Variants in RORA observed in about 807,000 individuals in gnomAD.
RORA encodes the protein nuclear receptor ROR-alpha.
RORA carries 7 observed loss-of-function variants against 69.5 expected under a neutral mutation model. The observed-to-expected ratio is 0.10, with a 90% CI of 0.06 to 0.19. The LOEUF (loss-of-function observed/expected upper bound fraction) is 0.19. Among genes scored for constraint, RORA ranks in the 10% least tolerant of loss-of-function variants. The pLI, the probability that RORA is intolerant of heterozygous loss-of-function variation, is 1.00. For missense variants in RORA, 457 were observed against 663.0 expected (o/e 0.69, Z 3.41); for synonymous variants, 261 against 240.8 (o/e 1.08, Z -0.78).
chr15:60,567,397 T>C (rs1008031156), intron 2 of RORA, among the ~76,000 whole-genome samples: 17 of 148,052 alleles, frequency 1.1e-4, no homozygotes, highest in Middle Eastern at 3.5e-3. Context: ...TTATTATCAT[T>C]ATTATTATTA....
At chr15:61,216,025 A>G (rs190147784) in intron 1 of RORA, among the ~76,000 whole-genome samples, 3 of 152,354 alleles carry the variant, frequency 2.0e-5, no homozygotes, top group East Asian at 3.9e-4. Context: ...GTCATGCAGT[A>G]TATCAAAACT....
At chr15:60,926,086 G>C (rs1892208935) in intron 1 of RORA, among the ~76,000 whole-genome samples, 1 of 152,062 alleles carries the variant, frequency 6.6e-6, no homozygotes, top group African/African-American at 2.4e-5. Flanking sequence ...CTATATGAGG[G>C]GCCAGAAAAG....
chr15:60,689,509 T>G (rs1315154423), intron 1 of RORA, among the ~76,000 whole-genome samples: 2 of 152,172 alleles, frequency 1.3e-5, no homozygotes, highest in Non-Finnish European at 2.9e-5. Context: ...AAAAAGGTTG[T>G]AACGGGTTGA....
intron 1 of RORA, among the ~76,000 whole-genome samples, chr15:60,885,320 T>C (rs987013836): frequency 1.3e-5 from 2 of 152,012 alleles, no homozygotes; most frequent in Admixed American, 6.6e-5. Context: ...AAACATGGAG[T>C]GTGCAGTTGA....
intron 2 of RORA, among the ~76,000 whole-genome samples, chr15:60,654,330 A>G (rs2070189843): frequency 6.6e-6 from 1 of 152,198 alleles, no homozygotes; most frequent in Non-Finnish European, 1.5e-5. Flanking sequence ...GAATTTAACA[A>G]ACATTTTTCC....
intron 1 of RORA, among the ~76,000 whole-genome samples, chr15:60,925,955 C>T (rs1892205478): frequency 6.6e-6 from 1 of 152,140 alleles, no homozygotes; most frequent in Non-Finnish European, 1.5e-5. Flanking sequence ...CACATGGTGA[C>T]CAAAAATGCT....
chr15:60,714,505 C>T (rs2071193837), intron 1 of RORA, among the ~76,000 whole-genome samples: 1 of 151,312 alleles, frequency 6.6e-6, no homozygotes, highest in Admixed American at 6.6e-5. Flanking sequence ...GCTGGGATTA[C>T]AGGCACCTGC....
chr15:61,007,082 A>C (rs1894933123), intron 1 of RORA, among the ~76,000 whole-genome samples: 1 of 152,012 alleles, frequency 6.6e-6, no homozygotes, highest in South Asian at 2.1e-4. Flanking sequence ...GAAAGACATA[A>C]TTTTCACCTA....
At position 61,227,204 on chromosome 15, in the gene RORA, C is replaced by T. The variant is rs541517447; in HGVS notation, c.166+1849G>A. 5.6e-5 allele frequency among the ~76,000 whole-genome samples: 6 copies of T among 106,568 alleles called. No homozygotes were observed. In the South Asian group the frequency reaches 2.5e-3, roughly 44 times the overall value. The allele number at this position is 106,568 out of a possible 152,430, so 69.9% of individuals were successfully genotyped here. ...CAGCTTCCTAAATACTATGTCCCCC[C>T]CATTCCAAAAAAAAAAAAAAAGCCC... On this transcript the variant is annotated intron_variant, in intron 1 of 10. Coordinates refer to ENST00000335670, the MANE Select transcript of RORA (RefSeq NM_134261.3).
intron 2 of RORA, among the ~76,000 whole-genome samples, chr15:60,636,643 G>C (rs2069845534): frequency 6.6e-6 from 1 of 151,954 alleles, no homozygotes; most frequent in Non-Finnish European, 1.5e-5. Flanking sequence ...TTTTTAAAAG[G>C]TTCTAAAAAT....
At chr15:60,893,927 C>G (rs543332824) in intron 1 of RORA, among the ~76,000 whole-genome samples, 2 of 152,192 alleles carry the variant, frequency 1.3e-5, no homozygotes, top group Non-Finnish European at 2.9e-5. Context: ...GACCCAAACC[C>G]AGACCTCTCA....
intron 1 of RORA, among the ~76,000 whole-genome samples, chr15:60,802,052 C>G (rs1028563255): frequency 2.0e-5 from 3 of 152,118 alleles, no homozygotes; most frequent in African/African-American, 7.2e-5. Context: ...TGGTCTGGCA[C>G]CAGAGCCCAG....
chr15:60,615,806 C>T (rs1465245504), intron 2 of RORA, among the ~76,000 whole-genome samples: 1 of 152,202 alleles, frequency 6.6e-6, no homozygotes, highest in African/African-American at 2.4e-5. Flanking sequence ...ACTGACGAGG[C>T]CCTGCTGCCT....
chr15:60,867,943 A>C (rs1159815211), intron 1 of RORA, among the ~76,000 whole-genome samples: 1 of 152,298 alleles, frequency 6.6e-6, no homozygotes, highest in East Asian at 1.9e-4. Context: ...TGGTCATGAT[A>C]GTTTTCAATT....
rs190788447 is a variant in RORA at position 60,806,059 on chromosome 15, C to T, written c.167-127373G>A. 1.6e-3 allele frequency among the ~76,000 whole-genome samples: 238 copies of T among 152,288 alleles called. 2 individuals carry two copies. The highest frequency in any genetic ancestry group is 5.3e-3 in the African/African-American group (221 of 41,554). ...TAAAGCCTCCCTCTTGATTGCTTGG[C>T]CAATCTGACTGCATCCCTCATAAGC... is the stretch of plus-strand genomic sequence containing the variant. On this transcript the variant is annotated intron_variant, in intron 1 of 10. Coordinates refer to ENST00000335670, the MANE Select transcript of RORA (RefSeq NM_134261.3).
rs544335676 is a variant in RORA at position 60,645,692 on chromosome 15, T to C, written c.196+32965A>G. ...ATAGGCATCAGCCAAGGTGACCAAT[T>C]TCCTTACAGATCAATTAGAAGTCAT... is the stretch of plus-strand genomic sequence containing the variant. On this transcript the variant is annotated intron_variant, in intron 2 of 10. Transcript: ENST00000335670. Among the ~76,000 whole-genome samples, 16 of 152,262 alleles carry C rather than the reference T, an allele frequency of 1.1e-4. No homozygotes were observed. The South Asian group carries it at 3.1e-3, about 30-fold the overall frequency.
At position 60,502,216 on chromosome 15, in the gene RORA, G is replaced by C. The variant is rs187142103; in HGVS notation, c.1183+544C>G. Among the ~76,000 whole-genome samples the C allele has an allele frequency of 3.6e-3, 554 of 152,306 alleles. 6 individuals carry two copies. The highest frequency in any genetic ancestry group is 0.013 in the African/African-American group (536 of 41,564). On this transcript the variant is annotated intron_variant, in intron 8 of 10. Transcript: ENST00000335670. ...ACTGGTCTCAAACTCCTGACCTCAG[G>C]TGATCCGCCTGCCTTGGCCTCCCAA... is the stretch of plus-strand genomic sequence containing the variant.
intron 1 of RORA, among the ~76,000 whole-genome samples, chr15:61,174,228 T>G (rs189380272): frequency 1.5e-3 from 229 of 152,322 alleles, no homozygotes; most frequent in African/African-American, 5.1e-3. Context: ...CTCTGCTGGC[T>G]TCTGTTAGAA....
At chr15:60,772,325 C>A (rs959960237) in intron 1 of RORA, among the ~76,000 whole-genome samples, 9 of 152,184 alleles carry the variant, frequency 5.9e-5, no homozygotes, top group Middle Eastern at 3.4e-3. Context: ...ACAAAAGTAG[C>A]TGGCAAGCAG....
Sources: allele counts gnomAD v4.1 joint callset (sites outside exome capture counted in the v4.1 genomes callset), GRCh38; gene constraint gnomAD v4.1.1; transcripts MANE v1.5; gene names NCBI Gene and HGNC (gene_info 2026-07-23, HGNC 2026-07-21).